The following PIBF1 variants were observed in gnomAD, a reference collection of about 807,000 sequenced individuals.
PIBF1 encodes the protein progesterone immunomodulatory binding factor 1.
A neutral mutation model predicts 112.5 loss-of-function variants in PIBF1; 90 were observed. The ratio of observed to expected loss-of-function variants is 0.80; its 90% CI spans 0.67 to 0.95. The LOEUF (loss-of-function observed/expected upper bound fraction) is 0.95, where lower values mean the gene tolerates loss of function less well. PIBF1 is among the 40% of genes least tolerant of loss of function. The probability of loss-of-function intolerance (pLI) is 0.00; values close to 1 mark genes in which losing one functional copy is unlikely to be tolerated. For synonymous variants in PIBF1, 301 were observed against 288.6 expected (o/e 1.04, Z -0.44); for missense variants, 915 against 852.3 (o/e 1.07, Z -0.92).
At chr13:72,796,324 G>C (rs1010349187) in intron 4 of PIBF1, among the ~76,000 whole-genome samples, 1 of 152,156 alleles carries the variant, frequency 6.6e-6, no homozygotes, top group Non-Finnish European at 1.5e-5. Context: ...AGAGTGGCGA[G>C]TGGGGCAGAG....
chr13:72,960,400 G>A (rs9543184), intron 14 of PIBF1, among the ~76,000 whole-genome samples: 8,814 of 152,110 alleles, frequency 0.058, 418 homozygotes, highest in Middle Eastern at 0.12. Context: ...GTGAGATCCT[G>A]TCTCAAAAAA....
chr13:72,823,718 G>A (rs543079696), intron 6 of PIBF1, among the ~76,000 whole-genome samples: 1 of 152,274 alleles, frequency 6.6e-6, no homozygotes, highest in African/African-American at 2.4e-5. Context: ...TTATGTAGCA[G>A]TTAAAATCAT....
intron 9 of PIBF1, chr13:72,836,053 C>G (rs1449327427): frequency 2.3e-6 from 1 of 432,682 alleles, no homozygotes; most frequent in South Asian, 1.7e-5. Flanking sequence ...GAGCCGAGAT[C>G]GCACCACTAC....
intron 9 of PIBF1, among the ~76,000 whole-genome samples, chr13:72,846,797 T>C (rs1449547652): frequency 6.6e-6 from 1 of 152,210 alleles, no homozygotes; most frequent in Non-Finnish European, 1.5e-5. Context: ...TTTATTTACT[T>C]TGGGTTTTTT....
chr13:72,826,805 A>G (rs2036832328), intron 6 of PIBF1, among the ~76,000 whole-genome samples: 1 of 152,222 alleles, frequency 6.6e-6, no homozygotes, highest in African/African-American at 2.4e-5. Flanking sequence ...AAGGTAATAA[A>G]TTGATATGTA....
intron 9 of PIBF1, among the ~76,000 whole-genome samples, chr13:72,839,826 C>G (rs1358894361): frequency 1.3e-5 from 2 of 152,242 alleles, no homozygotes; most frequent in East Asian, 3.9e-4. Flanking sequence ...AAACAACCAA[C>G]AGAGCCGTTT....
At chr13:72,944,308 G>A (rs779134513) in intron 14 of PIBF1, among the ~76,000 whole-genome samples, 3 of 152,060 alleles carry the variant, frequency 2.0e-5, no homozygotes, top group East Asian at 1.9e-4. Context: ...TTAGCTGGGC[G>A]TGGTTGTGGG....
Position 72,827,912 on chromosome 13 carries a change from C to T in PIBF1, c.1095C>T (p.Ser365=). The change falls in exon 8 of 18, where the codon TCC becomes TCT. Residue 365 remains serine (S), a splice_region_variant and synonymous_variant. Coordinates refer to ENST00000326291, the MANE Select transcript of PIBF1 (RefSeq NM_006346.4). The part of the protein sequence containing the change: ...REEMYEKYVA[S]RDHYKTEYEN... ...AGATGTATGAAAAATATGTAGCATCCAGGCAAGATTTGCATTATTTCCCAC... is the reference window on the plus strand; with the variant it reads ...AGATGTATGAAAAATATGTAGCATCTAGGCAAGATTTGCATTATTTCCCAC... 5 of 1,552,568 alleles carry T rather than the reference C, an allele frequency of 3.2e-6. No individual in the cohort carries two copies. Among genetic ancestry groups the T allele is most frequent in the Non-Finnish European group, 4.4e-6 (5 of 1,146,458 alleles).
intron 14 of PIBF1, among the ~76,000 whole-genome samples, chr13:72,939,311 A>G (rs969283116): frequency 2.6e-5 from 4 of 152,198 alleles, no homozygotes; most frequent in African/African-American, 9.6e-5. Flanking sequence ...TACAATCACT[A>G]TCTCTATCTA....
intron 13 of PIBF1, among the ~76,000 whole-genome samples, chr13:72,928,026 C>CAT (rs67144729): frequency 0.019 from 2,242 of 118,552 alleles, 126 homozygotes; most frequent in African/African-American, 0.065. Context: ...CATATATATA[C>CAT]ATATATATAT....
At chr13:72,879,698 G>A (rs922425736) in intron 10 of PIBF1, among the ~76,000 whole-genome samples, 6 of 152,166 alleles carry the variant, frequency 3.9e-5, no homozygotes, top group Middle Eastern at 3.2e-3. Context: ...GTCAGAGGTC[G>A]ACAAACTATG....
At chr13:73,006,000 A>C (rs1335520721) in intron 17 of PIBF1, among the ~76,000 whole-genome samples, 2 of 149,774 alleles carry the variant, frequency 1.3e-5, no homozygotes, top group African/African-American at 4.9e-5. Flanking sequence ...GCTCACTGCA[A>C]CCTCCGTCTC....
intron 14 of PIBF1, among the ~76,000 whole-genome samples, chr13:72,959,880 A>G (rs1382565376): frequency 6.6e-6 from 1 of 152,224 alleles, no homozygotes; most frequent in Non-Finnish European, 1.5e-5. Context: ...ACTAATTACT[A>G]AGGCTTTCCT....
intron 11 of PIBF1, among the ~76,000 whole-genome samples, chr13:72,902,004 A>ATGTGTGTGTGTGTGTGTGTGTGTG (rs1206491287): frequency 2.9e-4 from 9 of 31,364 alleles, no homozygotes; most frequent in South Asian, 1.5e-3. Flanking sequence ...GTGTGTATGT[A>ATGTGTGTGTGTGTGTGTGTGTGTG]TATGTGTGTG....
intron 13 of PIBF1, among the ~76,000 whole-genome samples, chr13:72,918,814 C>T (rs1368861570): frequency 6.6e-6 from 1 of 151,862 alleles, no homozygotes; most frequent in Non-Finnish European, 1.5e-5. Context: ...AGCAATTCTC[C>T]TGTCTCAGCC....
intron 16 of PIBF1, among the ~76,000 whole-genome samples, chr13:72,977,350 C>T (rs140924819): frequency 2.0e-5 from 3 of 152,032 alleles, no homozygotes; most frequent in South Asian, 2.1e-4. Flanking sequence ...GATTAACAGG[C>T]GCATGCCACC....
At chr13:72,880,500 C>A (rs1013508614) in intron 10 of PIBF1, among the ~76,000 whole-genome samples, 1 of 152,170 alleles carries the variant, frequency 6.6e-6, no homozygotes, top group Non-Finnish European at 1.5e-5. Flanking sequence ...CCAATATTAA[C>A]TCATTTAATT....
At chr13:72,986,067 G>A (rs914660982) in intron 16 of PIBF1, among the ~76,000 whole-genome samples, 9 of 152,216 alleles carry the variant, frequency 5.9e-5, no homozygotes, top group Non-Finnish European at 1.2e-4. Context: ...GGAGGCTGAG[G>A]TGGGAGGACC....
At chr13:72,999,649 A>G (rs1283110430) in intron 17 of PIBF1, among the ~76,000 whole-genome samples, 1 of 152,232 alleles carries the variant, frequency 6.6e-6, no homozygotes, top group Non-Finnish European at 1.5e-5. Flanking sequence ...AGAACTTCTG[A>G]TCTCAGTCAT....
Sources: gnomAD v4.1 joint callset for allele counts (sites outside exome capture counted in the v4.1 genomes callset) on GRCh38, gnomAD v4.1.1 for gene constraint, MANE v1.5 for transcripts, NCBI Gene and HGNC (gene_info 2026-07-23, HGNC 2026-07-21) for gene names.